Variants in SCFD2 observed in about 807,000 individuals in gnomAD.
The protein encoded by SCFD2 is sec1 family domain-containing protein 2.
A neutral mutation model predicts 58.9 loss-of-function variants in SCFD2; 54 were observed. The observed-to-expected ratio is 0.92, with a 90% CI of 0.74 to 1.15. The LOEUF (loss-of-function observed/expected upper bound fraction) is 1.15, where lower values mean the gene tolerates loss of function less well. Ranked by LOEUF, SCFD2 falls within the 50% of genes most tolerant of loss-of-function variation. SCFD2 has a pLI of 0.00. For synonymous variants in SCFD2, 321 were observed against 335.9 expected, an observed-to-expected ratio of 0.96 and a Z score of 0.49; for missense variants, 805 against 836.6, an observed-to-expected ratio of 0.96 and a Z score of 0.47.
rs1718405760 is a variant in SCFD2 at position 52,873,825 on chromosome 4, T to C, written c.*144A>G. On this transcript the variant is annotated 3_prime_UTR_variant, in exon 9 of 9. Coordinates refer to ENST00000401642, the MANE Select transcript of SCFD2 (RefSeq NM_152540.4). ...AATCCAAGCAAAGTACCTCACTGAGTAGGTATCAAGACCCTTCAGGCAGAA... is the reference window on the plus strand; with the variant it reads ...AATCCAAGCAAAGTACCTCACTGAGCAGGTATCAAGACCCTTCAGGCAGAA... 1.8e-6 allele frequency: 1 copy of C among 563,326 alleles called. No individual in the cohort carries two copies. Among genetic ancestry groups the C allele is most frequent in the East Asian group, 2.9e-5 (1 of 34,530 alleles). The allele number at this position is 563,326 out of a possible 1,614,324, so 34.9% of individuals were successfully genotyped here. A position where few individuals can be genotyped will look rare whatever the true frequency, so the allele number is the denominator to read the frequency against.
chr4:52,889,373 T>C (rs1487308251), intron 7 of SCFD2, among the ~76,000 whole-genome samples: 1 of 152,224 alleles, frequency 6.6e-6, no homozygotes, highest in African/African-American at 2.4e-5. Flanking sequence ...TTGAGGTTCA[T>C]GCACAGTAAT....
At chr4:53,247,846 C>A (rs1352949093) in intron 4 of SCFD2, among the ~76,000 whole-genome samples, 1 of 89,234 alleles carries the variant, frequency 1.1e-5, no homozygotes, top group African/African-American at 4.6e-5. Flanking sequence ...CCAGCCTGGG[C>A]AACAGAGCGA....
In SCFD2 at chr4:53,184,699, A is replaced by G. The variant is rs191774806; in HGVS notation, c.1312-39117T>C. On this transcript the variant is annotated intron_variant, in intron 4 of 8. Coordinates refer to ENST00000401642, the MANE Select transcript of SCFD2 (RefSeq NM_152540.4). ...AACCACTCTTAAGCAAGCTGTTGGC[A>G]ATAGGGAACTCAACTCATCAATCCC... is the stretch of plus-strand genomic sequence containing the variant. Among the ~76,000 whole-genome samples the G allele has an allele frequency of 1.8e-4, 27 of 152,244 alleles. No homozygotes were observed. The East Asian group carries it at 5.2e-3, about 29-fold the overall frequency.
At chr4:53,169,946 C>T (rs1727129008) in intron 4 of SCFD2, among the ~76,000 whole-genome samples, 1 of 152,150 alleles carries the variant, frequency 6.6e-6, no homozygotes, top group African/African-American at 2.4e-5. Context: ...GTATCCAGTG[C>T]ATGGCTTGCA....
At chr4:53,046,395 T>C (rs904218002) in intron 5 of SCFD2, among the ~76,000 whole-genome samples, 1 of 151,964 alleles carries the variant, frequency 6.6e-6, no homozygotes, top group African/African-American at 2.4e-5. Context: ...TGTACTTTTT[T>C]GTAGAGACAG....
intron 4 of SCFD2, among the ~76,000 whole-genome samples, chr4:53,191,477 G>A (rs1039151476): frequency 1.2e-4 from 18 of 151,996 alleles, no homozygotes; most frequent in African/African-American, 2.4e-4. Flanking sequence ...CACGATCTCC[G>A]CTCACTGCAA....
chr4:53,024,968 G>C (rs919734750), intron 5 of SCFD2, among the ~76,000 whole-genome samples: 1 of 152,100 alleles, frequency 6.6e-6, no homozygotes, highest in African/African-American at 2.4e-5. Context: ...CACTGCATTT[G>C]TCCCACTGGT....
chr4:53,352,905 C>T lies in SCFD2; in HGVS notation c.839-139G>A, dbSNP rs1368248407. On this transcript the variant is annotated intron_variant, in intron 1 of 8. Transcript: ENST00000401642. ...TCAACAAAACTCACATTTTGCCCTT[C>T]ATACAGCTAATCACATTCACAATCA... 5 of 715,472 alleles carry T rather than the reference C, an allele frequency of 7.0e-6. No individual in the cohort carries two copies. The East Asian group carries it at 1.1e-4, about 16-fold the overall frequency. 44.3% of individuals were successfully genotyped at this position (715,472 alleles called of 1,614,324 possible).
chr4:53,235,476 C>T (rs186808435), intron 4 of SCFD2, among the ~76,000 whole-genome samples: 99 of 152,342 alleles, frequency 6.5e-4, no homozygotes, highest in African/African-American at 2.3e-3. Context: ...AGGACATACT[C>T]ATGAATAAAG....
chr4:53,158,365 C>T (rs1726752229), intron 4 of SCFD2, among the ~76,000 whole-genome samples: 3 of 152,218 alleles, frequency 2.0e-5, no homozygotes, highest in Admixed American at 2.0e-4. Flanking sequence ...GACTTCTCCA[C>T]TTGTATATCT....
chr4:53,233,609 T>C (rs1041223101), intron 4 of SCFD2, among the ~76,000 whole-genome samples: 5 of 152,186 alleles, frequency 3.3e-5, no homozygotes, highest in African/African-American at 9.6e-5. Flanking sequence ...TATATTCGAC[T>C]CTCATTTTCT....
At position 53,183,304 on chromosome 4, in the gene SCFD2, A is replaced by G. The variant is rs189059653; in HGVS notation, c.1312-37722T>C. On this transcript the variant is annotated intron_variant, in intron 4 of 8. Coordinates refer to ENST00000401642, the MANE Select transcript of SCFD2 (RefSeq NM_152540.4). The stretch of plus-strand genomic sequence containing the variant: ...TATGAAAATGTGGCACATATATACC[A>G]TGGAATACTATGCAGCCATAAAAAA... 3.4e-3 allele frequency among the ~76,000 whole-genome samples: 515 copies of G among 152,326 alleles called. 1 individual carries two copies. Among genetic ancestry groups the G allele is most frequent in the Admixed American group, 6.9e-3 (106 of 15,296 alleles).
intron 4 of SCFD2, among the ~76,000 whole-genome samples, chr4:53,219,510 A>T (rs1369505268): frequency 6.6e-6 from 1 of 152,046 alleles, no homozygotes; most frequent in Admixed American, 6.5e-5. Context: ...GTGGGAGTGA[A>T]CCGATTTTCC....
At chr4:53,278,038 C>A (rs562788780) in intron 3 of SCFD2, among the ~76,000 whole-genome samples, 1 of 147,890 alleles carries the variant, frequency 6.8e-6, no homozygotes, top group Non-Finnish European at 1.5e-5. Context: ...AGGGACAGAA[C>A]GAGACTCCGT....
At chr4:53,307,733 C>T (rs1732561139) in intron 3 of SCFD2, among the ~76,000 whole-genome samples, 1 of 152,176 alleles carries the variant, frequency 6.6e-6, no homozygotes, top group Non-Finnish European at 1.5e-5. Flanking sequence ...TGGAGCACTA[C>T]TTGGCTGGGG....
At position 52,900,527 on chromosome 4, in the gene SCFD2, C is replaced by T. The variant is rs568549175; in HGVS notation, c.1842+6930G>A. Among the ~76,000 whole-genome samples, 274 of 152,298 alleles carry T rather than the reference C, an allele frequency of 1.8e-3. 2 individuals carry two copies. The highest frequency in any genetic ancestry group is 6.4e-3 in the African/African-American group (266 of 41,552). On this transcript the variant is annotated intron_variant, in intron 7 of 8. Transcript: ENST00000401642. ...GTTTTGTCTCAGAGGAGTACCCGGCCGTGTGAGGTGTCAGTCTGCCCCTAC... is the reference window on the plus strand; with the variant it reads ...GTTTTGTCTCAGAGGAGTACCCGGCTGTGTGAGGTGTCAGTCTGCCCCTAC...
chr4:53,036,795 A>C (rs1722773371), intron 5 of SCFD2, among the ~76,000 whole-genome samples: 1 of 152,218 alleles, frequency 6.6e-6, no homozygotes, highest in Non-Finnish European at 1.5e-5. Context: ...ATACCTATGT[A>C]ACAAAACTGC....
intron 7 of SCFD2, among the ~76,000 whole-genome samples, chr4:52,900,996 A>G (rs1382457694): frequency 6.6e-6 from 1 of 152,162 alleles, no homozygotes; most frequent in Non-Finnish European, 1.5e-5. Flanking sequence ...TTGGAAGAGC[A>G]CAGTATTAGG....
At chr4:53,216,139 G>C (rs1021932695) in intron 4 of SCFD2, among the ~76,000 whole-genome samples, 4 of 152,088 alleles carry the variant, frequency 2.6e-5, no homozygotes, top group African/African-American at 9.7e-5. Flanking sequence ...AGCCTTTGGT[G>C]TCAGGATGAT....
Sources: allele counts gnomAD v4.1 joint callset (sites outside exome capture counted in the v4.1 genomes callset), GRCh38; gene constraint gnomAD v4.1.1; transcripts MANE v1.5; gene names NCBI Gene and HGNC (gene_info 2026-07-23, HGNC 2026-07-21).